The following PSD3 variants were observed in gnomAD, a reference collection of about 807,000 sequenced individuals.
PSD3 encodes the protein pleckstrin and Sec7 domain containing 3, also known as PH and SEC7 domain-containing protein 3.
Under a neutral mutation model 105.5 loss-of-function variants are expected in PSD3, and 49 were observed. That is an observed-to-expected ratio of 0.46 (90% CI 0.37 to 0.59). The LOEUF is 0.59. Ranked by LOEUF, PSD3 falls within the 20% of genes least tolerant of loss-of-function variation. The pLI, the probability that PSD3 is intolerant of heterozygous loss-of-function variation, is 0.00. For synonymous variants in PSD3, 557 were observed against 457.8 expected (o/e 1.22, Z -2.77); for missense variants, 1,561 against 1,263.8 (o/e 1.24, Z -3.57).
At chr8:18,828,988 C>T (rs192864581) in intron 4 of PSD3, among the ~76,000 whole-genome samples, 5 of 152,194 alleles carry the variant, frequency 3.3e-5, no homozygotes, top group African/African-American at 4.8e-5. Context: ...GGGCGGACGG[C>T]TTGAGCCTGG....
Position 18,655,682 on chromosome 8 carries a change from G to C in PSD3, c.2176C>G (p.Leu726Val). 1 of 1,613,476 alleles carries C rather than the reference G, an allele frequency of 6.2e-7. No homozygotes were observed. Among genetic ancestry groups the C allele is most frequent in the Non-Finnish European group, 8.5e-7 (1 of 1,179,500 alleles). The stretch of plus-strand genomic sequence containing the variant: ...TTCTCATTCTTGATTGAGTTGTACA[G>C]AGCCTGTAAAGAGAGAAAATGAGAT... ...VDFSKDLLKA[L>V]YNSIKNEKLE... The change falls in exon 10 of 16, where the codon CTG becomes GTG. Residue 726 changes from leucine (L) to valine (V), a missense_variant. Leu to Val is a conservative substitution (Grantham distance 32). Transcript: ENST00000327040.
intron 1 of PSD3, among the ~76,000 whole-genome samples, chr8:19,074,862 C>A (rs11992159): frequency 1.3e-5 from 2 of 150,906 alleles, no homozygotes; most frequent in Admixed American, 6.6e-5. Flanking sequence ...CCTTGTGATC[C>A]GCCTGCCTCG....
chr8:18,971,924 G>A (rs1189699907), intron 1 of PSD3, among the ~76,000 whole-genome samples: 1 of 152,116 alleles, frequency 6.6e-6, no homozygotes, highest in Non-Finnish European at 1.5e-5. Context: ...AGAATCGCTT[G>A]AGCCTGGGAG....
chr8:19,018,698 G>A (rs911130010), upstream of PSD3, among the ~76,000 whole-genome samples: 3 of 152,214 alleles, frequency 2.0e-5, no homozygotes, highest in Non-Finnish European at 4.4e-5. Context: ...AGATAGAGGT[G>A]TTGATCCAAA....
chr8:18,779,435 T>A (rs1808403742), intron 8 of PSD3, among the ~76,000 whole-genome samples: 1 of 152,152 alleles, frequency 6.6e-6, no homozygotes, highest in African/African-American at 2.4e-5. Flanking sequence ...TAGCCTTTTT[T>A]TCACCTCTAA....
At chr8:18,893,959 T>C (rs1160293543) in intron 2 of PSD3, among the ~76,000 whole-genome samples, 1 of 152,188 alleles carries the variant, frequency 6.6e-6, no homozygotes. Context: ...TTCTCTGCCT[T>C]TCAAAATGCA....
chr8:18,541,685 T>TTA (rs1391052071), intron 15 of PSD3, among the ~76,000 whole-genome samples: 22 of 152,044 alleles, frequency 1.4e-4, no homozygotes, highest in African/African-American at 5.3e-4. Flanking sequence ...TTCTCTCTCT[T>TTA]TAGAGAGAAA....
At chr8:18,980,713 A>G (rs1368700093) in intron 1 of PSD3, among the ~76,000 whole-genome samples, 3 of 151,884 alleles carry the variant, frequency 2.0e-5, no homozygotes, top group Admixed American at 6.6e-5. Context: ...TTGGGCTTTC[A>G]TTATCCTAGA....
chr8:18,545,285 C>G (rs891961853), intron 15 of PSD3, among the ~76,000 whole-genome samples: 2 of 152,028 alleles, frequency 1.3e-5, no homozygotes, highest in African/African-American at 4.8e-5. Context: ...ATAAATTGTC[C>G]GGTTCCAAAC....
chr8:18,999,948 T>C (rs1351450469), intron 1 of PSD3: 1 of 151,642 alleles, frequency 6.6e-6, no homozygotes, highest in Non-Finnish European at 1.5e-5. Context: ...TTTAAATCTA[T>C]AAACTATATT....
intron 1 of PSD3, among the ~76,000 whole-genome samples, chr8:18,959,092 T>G (rs1194385723): frequency 6.6e-6 from 1 of 152,108 alleles, no homozygotes; most frequent in Non-Finnish European, 1.5e-5. Context: ...AGCTAATTTT[T>G]GTATTTTTAG....
At chr8:18,988,918 T>C (rs1825647105) in intron 1 of PSD3, among the ~76,000 whole-genome samples, 1 of 152,168 alleles carries the variant, frequency 6.6e-6, no homozygotes. Context: ...CATTTTGCCA[T>C]GGGGGCTTCA....
At chr8:18,601,164 G>C (rs538151687) in intron 11 of PSD3, among the ~76,000 whole-genome samples, 13 of 152,124 alleles carry the variant, frequency 8.5e-5, no homozygotes, top group Non-Finnish European at 1.3e-4. Context: ...GAAGTCCTTA[G>C]ATTTCTTCTG....
chr8:18,809,144 G>T (rs542008298), intron 4 of PSD3, among the ~76,000 whole-genome samples: 1 of 152,302 alleles, frequency 6.6e-6, no homozygotes, highest in East Asian at 1.9e-4. Flanking sequence ...TGCAGCTCTA[G>T]TCTGCTGAGC....
intron 11 of PSD3, among the ~76,000 whole-genome samples, chr8:18,625,896 T>G (rs1037395191): frequency 1.3e-5 from 2 of 152,174 alleles, no homozygotes; most frequent in African/African-American, 4.8e-5. Context: ...ATTGTTATTG[T>G]GTAGATCATT....
chr8:18,924,549 T>A (rs1486494118), intron 2 of PSD3: 1 of 152,200 alleles, frequency 6.6e-6, no homozygotes. Flanking sequence ...GATTTGTCAT[T>A]TCTTCCTTTG....
At chr8:19,074,912 G>T (rs942131196) in intron 1 of PSD3, among the ~76,000 whole-genome samples, 3 of 150,866 alleles carry the variant, frequency 2.0e-5, no homozygotes, top group Admixed American at 6.6e-5. Context: ...GAGCCACCGT[G>T]CCCGGCCTAA....
intron 2 of PSD3, among the ~76,000 whole-genome samples, chr8:18,882,187 AAC>A (rs1818147673): frequency 6.6e-6 from 1 of 151,856 alleles, no homozygotes; most frequent in African/African-American, 2.4e-5. Context: ...TAGCCGGGAC[AAC>A]ACAGCAAGAT....
chr8:18,943,696 C>T (rs750337365), intron 1 of PSD3, among the ~76,000 whole-genome samples: 2 of 152,104 alleles, frequency 1.3e-5, no homozygotes, highest in Non-Finnish European at 2.9e-5. Context: ...GAGACAGCCC[C>T]TCCCCTACTC....
Sources: gnomAD v4.1 joint callset for allele counts (sites outside exome capture counted in the v4.1 genomes callset) on GRCh38, gnomAD v4.1.1 for gene constraint, MANE v1.5 for transcripts, NCBI Gene and HGNC (gene_info 2026-07-23, HGNC 2026-07-21) for gene names.